Variants in PCDHA1 observed in about 807,000 individuals in gnomAD.
The protein encoded by PCDHA1 is protocadherin alpha-1.
Under a neutral mutation model 61.3 loss-of-function variants are expected in PCDHA1, and 42 were observed. The observed-to-expected ratio is 0.69, with a 90% CI of 0.54 to 0.89. PCDHA1 has a LOEUF of 0.89. Among genes scored for constraint, PCDHA1 ranks in the 40% least tolerant of loss-of-function variants. The pLI, the probability that PCDHA1 is intolerant of heterozygous loss-of-function variation, is 0.00. For missense variants in PCDHA1, 1,256 were observed against 1,235.3 expected (o/e 1.02, Z -0.25); for synonymous variants, 610 against 553.8 (o/e 1.10, Z -1.43).
intron 2 of PCDHA1, among the ~76,000 whole-genome samples, chr5:140,980,777 A>C (rs2096905451): frequency 6.6e-6 from 1 of 152,244 alleles, no homozygotes; most frequent in Non-Finnish European, 1.5e-5. Flanking sequence ...ATTGAAATTA[A>C]AATGCCATTT....
chr5:140,796,631 T>C, intron 1 of PCDHA1: 1 of 1,610,512 alleles, frequency 6.2e-7, no homozygotes, highest in Non-Finnish European at 8.5e-7. Flanking sequence ...GTGTTCGTGC[T>C]GGACGAGAAC....
At chr5:140,946,540 T>G (rs1182532418) in intron 1 of PCDHA1, among the ~76,000 whole-genome samples, 1 of 150,344 alleles carries the variant, frequency 6.7e-6, no homozygotes, top group African/African-American at 2.5e-5. Context: ...CATTGCAGCA[T>G]TATTCATGAT....
At chr5:140,869,733 G>A (rs2051364392) in intron 1 of PCDHA1, 1 of 1,613,178 alleles carries the variant, frequency 6.2e-7, no homozygotes, top group Non-Finnish European at 8.5e-7. Context: ...AACTTAATTT[G>A]CTGCTAACAG....
chr5:140,970,894 C>T (rs1302694264), intron 1 of PCDHA1, among the ~76,000 whole-genome samples: 1 of 152,090 alleles, frequency 6.6e-6, no homozygotes, highest in Non-Finnish European at 1.5e-5. Context: ...ATGGACATTT[C>T]AGATAGATTT....
intron 1 of PCDHA1, among the ~76,000 whole-genome samples, chr5:140,974,660 C>T (rs529524485): frequency 2.6e-5 from 4 of 152,116 alleles, no homozygotes; most frequent in South Asian, 2.1e-4. Flanking sequence ...TACAGGCATG[C>T]GCCACCATGC....
intron 3 of PCDHA1, among the ~76,000 whole-genome samples, chr5:140,986,776 C>T (rs916981139): frequency 2.6e-5 from 4 of 152,098 alleles, no homozygotes; most frequent in Non-Finnish European, 4.4e-5. Flanking sequence ...AATTAGGTAG[C>T]GGAAGCCACT....
At position 141,003,456 on chromosome 5, in the gene PCDHA1, C is replaced by T. The variant is rs187279966; in HGVS notation, c.2543-6171C>T. Among the ~76,000 whole-genome samples the T allele has an allele frequency of 1.2e-3, 188 of 152,136 alleles. 1 individual carries two copies. The highest frequency in any genetic ancestry group is 4.1e-3 in the African/African-American group (172 of 41,508). On this transcript the variant is annotated intron_variant, in intron 3 of 3. Transcript: ENST00000504120. ...CCTCCCAAGTAGATGAAATTACAGGCGTGCACCACCACAGTCTCGCTAATT... is the reference window on the plus strand; with the variant it reads ...CCTCCCAAGTAGATGAAATTACAGGTGTGCACCACCACAGTCTCGCTAATT...
chr5:140,831,526 T>C (rs2150196018), intron 1 of PCDHA1, among the ~76,000 whole-genome samples: 1 of 114,962 alleles, frequency 8.7e-6, no homozygotes, highest in African/African-American at 4.1e-5. Context: ...CCACCTTTTT[T>C]TTTTTTTTTT....
intron 1 of PCDHA1, chr5:140,834,860 T>C: frequency 6.2e-7 from 1 of 1,610,304 alleles, no homozygotes; most frequent in Non-Finnish European, 8.5e-7. Flanking sequence ...GCGCGTCCGA[T>C]GCAGATATCG....
intron 3 of PCDHA1, among the ~76,000 whole-genome samples, chr5:141,006,959 A>G (rs2098296620): frequency 6.6e-6 from 1 of 152,142 alleles, no homozygotes; most frequent in East Asian, 1.9e-4. Context: ...GTTATACATG[A>G]GATTGGAGCA....
chr5:140,821,661 C>A, intron 1 of PCDHA1: 1 of 1,207,804 alleles, frequency 8.3e-7, no homozygotes, highest in Non-Finnish European at 1.2e-6. Flanking sequence ...TTTGGCTGTG[C>A]CAAGAAGCTC....
intron 1 of PCDHA1, chr5:140,881,341 G>C (rs1422783424): frequency 1.5e-5 from 15 of 984,968 alleles, no homozygotes; most frequent in Non-Finnish European, 1.7e-5. Flanking sequence ...ACGCCGATTC[G>C]GGCTACAATG....
At chr5:140,823,458 G>T (rs1767715131) in intron 1 of PCDHA1, 1 of 1,613,278 alleles carries the variant, frequency 6.2e-7, no homozygotes, top group African/African-American at 1.3e-5. Flanking sequence ...ACGACAACGC[G>T]CCGGCGCTGC....
At chr5:140,805,612 T>G in intron 1 of PCDHA1, 3 of 911,202 alleles carry the variant, frequency 3.3e-6, no homozygotes, top group Non-Finnish European at 3.9e-6. Flanking sequence ...AATTTCTTTA[T>G]GTAAGAAAAT....
chr5:140,803,382 G>C, intron 1 of PCDHA1: 1 of 1,614,202 alleles, frequency 6.2e-7, no homozygotes. Context: ...GCCGCCAACC[G>C]AAGGCGACTG....
intron 1 of PCDHA1, chr5:140,928,055 C>T (rs1554205406): frequency 8.1e-6 from 13 of 1,614,066 alleles, no homozygotes; most frequent in South Asian, 3.3e-5. Context: ...TTTCAGCTGA[C>T]GGCTTCCTTT....
At chr5:140,821,790 G>A in intron 1 of PCDHA1, 1 of 1,612,306 alleles carries the variant, frequency 6.2e-7, no homozygotes, top group Non-Finnish European at 8.5e-7. Flanking sequence ...TATATTCCCG[G>A]AGAGGAAGTC....
intron 1 of PCDHA1, among the ~76,000 whole-genome samples, chr5:140,838,864 G>T (rs1775916115): frequency 6.6e-6 from 1 of 151,900 alleles, no homozygotes; most frequent in African/African-American, 2.4e-5. Flanking sequence ...CCAAGCTGCA[G>T]TTATCATGCC....
In PCDHA1 at chr5:140,882,102, C is replaced by A. The variant is rs2058951166; in HGVS notation, c.2394+93418C>A. 1.4e-5 allele frequency: 18 copies of A among 1,308,166 alleles called. No individual in the cohort carries two copies. In the South Asian group the frequency reaches 2.1e-4, roughly 16 times the overall value. 81.0% of individuals were successfully genotyped at this position (1,308,166 alleles called of 1,614,324 possible). On this transcript the variant is annotated intron_variant, in intron 1 of 3. Transcript: ENST00000504120. ...TCGCTCTTCACTGAGAACGTTTCCG[C>A]GAAGAAAGCCGCCGTTTCTTTCTTC...
Sources: gnomAD v4.1 joint callset for allele counts (sites outside exome capture counted in the v4.1 genomes callset) on GRCh38, gnomAD v4.1.1 for gene constraint, MANE v1.5 for transcripts, NCBI Gene and HGNC (gene_info 2026-07-23, HGNC 2026-07-21) for gene names.